Variants in CABLES1 observed in about 807,000 individuals in gnomAD.
CABLES1 encodes the protein Cdk5 and Abl enzyme substrate 1, also known as CDK5 and ABL1 enzyme substrate 1.
In CABLES1, 36 loss-of-function variants were observed where a neutral mutation model predicts 57.8. That is an observed-to-expected ratio of 0.62 (90% confidence interval 0.48 to 0.82). The LOEUF (loss-of-function observed/expected upper bound fraction) is 0.82, where lower values mean the gene tolerates loss of function less well. Among genes scored for constraint, CABLES1 ranks in the 40% least tolerant of loss-of-function variants. The probability of loss-of-function intolerance (pLI) is 0.00; values close to 1 mark genes in which losing one functional copy is unlikely to be tolerated. For synonymous variants in CABLES1, 374 were observed against 363.0 expected, an observed-to-expected ratio of 1.03 and a Z score of -0.35; for missense variants, 767 against 836.6, an observed-to-expected ratio of 0.92 and a Z score of 1.03.
intron 1 of CABLES1, among the ~76,000 whole-genome samples, chr18:23,165,179 T>G (rs1372617909): frequency 1.3e-5 from 2 of 152,160 alleles, no homozygotes; most frequent in Non-Finnish European, 2.9e-5. Context: ...CATTGCAGCT[T>G]CAAACTCCTG....
chr18:23,253,774 T>C lies in CABLES1; in HGVS notation c.1599T>C (p.Leu533=). Reference sequence around the variant, plus strand: ...AGCTTGCGCAGGAGGACTGTGGCCTTGAGGAGCCCACGGTGGCCATGGCCT... The same window carrying C: ...AGCTTGCGCAGGAGGACTGTGGCCTCGAGGAGCCCACGGTGGCCATGGCCT... ...MRKLAQEDCG[L]EEPTVAMAFV... The change falls in exon 9 of 10, where the codon CTT becomes CTC. Residue 533 remains leucine, a synonymous_variant. Transcript: ENST00000256925. 6.2e-7 allele frequency: 1 copy of C among 1,614,178 alleles called. No individual in the cohort carries two copies. Among genetic ancestry groups the C allele is most frequent in the Non-Finnish European group, 8.5e-7 (1 of 1,180,018 alleles).
intron 3 of CABLES1, among the ~76,000 whole-genome samples, chr18:23,195,765 C>T (rs769624862): frequency 6.6e-6 from 1 of 152,208 alleles, no homozygotes; most frequent in African/African-American, 2.4e-5. Context: ...CTCTCTCTCA[C>T]CCTTTTTTTC....
Position 23,259,326 on chromosome 18 carries a change from T to C in CABLES1, c.*1959T>C, listed in dbSNP as rs534325958. 1 of 120,198 alleles carries C rather than the reference T, an allele frequency of 8.3e-6. No homozygotes were observed. The highest frequency in any genetic ancestry group is 1.9e-5 in the Non-Finnish European group (1 of 53,052). 7.4% of individuals were successfully genotyped at this position (120,198 alleles called of 1,614,324 possible). ...GAATTTCCTGCCAAGCTCTGGGGAGTGGGGTGGGGGGAGGGACGTCCGATG... is the reference window on the plus strand; with the variant it reads ...GAATTTCCTGCCAAGCTCTGGGGAGCGGGGTGGGGGGAGGGACGTCCGATG... On this transcript the variant is annotated 3_prime_UTR_variant, in exon 10 of 10. Transcript: ENST00000256925.
At chr18:23,160,501 C>T (rs1189221587) in intron 1 of CABLES1, among the ~76,000 whole-genome samples, 4 of 152,090 alleles carry the variant, frequency 2.6e-5, no homozygotes, top group East Asian at 1.9e-4. Flanking sequence ...CCTCACGGCC[C>T]GCCTATTAGT....
chr18:23,251,470 T>C (rs2048035690), intron 7 of CABLES1, among the ~76,000 whole-genome samples: 1 of 151,836 alleles, frequency 6.6e-6, no homozygotes, highest in African/African-American at 2.4e-5. Context: ...AAAAAAAGAT[T>C]ATGGCGTGTA....
chr18:23,238,170 G>A (rs1341403029), intron 7 of CABLES1, among the ~76,000 whole-genome samples: 1 of 152,236 alleles, frequency 6.6e-6, no homozygotes, highest in East Asian at 1.9e-4. Context: ...GAACCAGGGG[G>A]TCTTTTTTCT....
intron 4 of CABLES1, among the ~76,000 whole-genome samples, chr18:23,219,536 A>G (rs925820220): frequency 3.3e-5 from 5 of 152,158 alleles, no homozygotes; most frequent in Non-Finnish European, 5.9e-5. Flanking sequence ...TGCCCTGTTG[A>G]GAGATTTAGT....
chr18:23,232,199 C>T (rs927504536), intron 4 of CABLES1, among the ~76,000 whole-genome samples: 1 of 152,172 alleles, frequency 6.6e-6, no homozygotes, highest in African/African-American at 2.4e-5. Flanking sequence ...CCTACTCACT[C>T]CAAAAAGATA....
chr18:23,224,568 T>C (rs1459651629), intron 4 of CABLES1, among the ~76,000 whole-genome samples: 1 of 143,016 alleles, frequency 7.0e-6, no homozygotes, highest in African/African-American at 2.6e-5. Flanking sequence ...GAGCTTTTTT[T>C]TTTTTTTTTT....
chr18:23,211,095 A>G (rs1310359863), intron 3 of CABLES1, among the ~76,000 whole-genome samples: 2 of 151,694 alleles, frequency 1.3e-5, no homozygotes, highest in African/African-American at 4.8e-5. Context: ...CGCTCACTTA[A>G]TAGAACAAGC....
In CABLES1 at chr18:23,214,036, G is replaced by A. The variant is rs773471780; in HGVS notation, c.1070G>A (p.Arg357His). 9.9e-6 allele frequency: 16 copies of A among 1,612,438 alleles called. No homozygotes were observed. The highest frequency in any genetic ancestry group is 2.2e-5 in the South Asian group (2 of 90,940). The stretch of plus-strand genomic sequence containing the variant: ...AGTATATTTTCAGTGCTGCCGTATC[G>A]CGACAGTACCCAAGTCGGGTATGTA... The part of the protein sequence containing the change: ...FCSIFSVLPY[R>H]DSTQVGDLKL... The change falls in exon 4 of 10, where the codon CGC becomes CAC. Residue 357 changes from arginine to histidine, a missense_variant. By Grantham distance (29) the Arg-to-His change is conservative. Transcript: ENST00000256925.
At chr18:23,222,435 C>T (rs1042135804) in intron 4 of CABLES1, among the ~76,000 whole-genome samples, 9 of 151,950 alleles carry the variant, frequency 5.9e-5, no homozygotes, top group Admixed American at 5.9e-4. Context: ...AGTGGTCACT[C>T]TGGTTTTATG....
rs967180392 is a variant in CABLES1 at position 23,194,349 on chromosome 18, A to G, written c.918-99A>G. The G allele has an allele frequency of 4.8e-5, 35 of 724,954 alleles. No homozygotes were observed. In the Admixed American group the frequency reaches 7.6e-4, roughly 16 times the overall value. The allele number at this position is 724,954 out of a possible 1,614,324, so 44.9% of individuals were successfully genotyped here. A position where few individuals can be genotyped will look rare whatever the true frequency, so the allele number is the denominator to read the frequency against. Reference sequence around the variant, plus strand: ...ACTCCTGCCTGCTTTGGGGTGACTCAAGCCATTTGTCTGGTCCTTCCTTCC... The same window carrying G: ...ACTCCTGCCTGCTTTGGGGTGACTCGAGCCATTTGTCTGGTCCTTCCTTCC... On this transcript the variant is annotated intron_variant, in intron 2 of 9. Transcript: ENST00000256925.
At position 23,136,537 on chromosome 18, in the gene CABLES1, AACT is replaced by A. The variant is rs780136681; in HGVS notation, c.779_781del (p.Tyr260del). 205 of 1,582,932 alleles carry A rather than the reference AACT, an allele frequency of 1.3e-4. No homozygotes were observed. Among genetic ancestry groups the A allele is most frequent in the Non-Finnish European group, 1.7e-4 (194 of 1,172,418 alleles). ...CGCCTTCTCCAGGCCGACTTCGCAG[AACT>A]ACTGCTCCCTGGAGCAGCCAGGCCA... On this transcript the variant is annotated inframe_deletion, in exon 1 of 10. Transcript: ENST00000256925.
chr18:23,184,342 TAGGTCC>T (rs2047187654), intron 1 of CABLES1, among the ~76,000 whole-genome samples: 1 of 150,442 alleles, frequency 6.6e-6, no homozygotes, highest in African/African-American at 2.5e-5. Flanking sequence ...TGTGTGTGTG[TAGGTCC>T]GTCTGAGTTC....
intron 3 of CABLES1, among the ~76,000 whole-genome samples, chr18:23,211,082 G>C (rs917952297): frequency 2.6e-5 from 4 of 151,744 alleles, no homozygotes; most frequent in Non-Finnish European, 5.9e-5. Context: ...CACCCAGAGT[G>C]AGCGCTCACT....
chr18:23,237,337 C>G (rs77591546), intron 7 of CABLES1, 92 bp downstream of exon 7: 153 of 863,418 alleles, frequency 1.8e-4, no homozygotes, highest in Middle Eastern at 1.0e-3. Context: ...AAAGACTGCT[C>G]TGCCTGGGGG....
chr18:23,207,089 A>G (rs1282724706), intron 3 of CABLES1, among the ~76,000 whole-genome samples: 1 of 152,170 alleles, frequency 6.6e-6, no homozygotes, highest in Non-Finnish European at 1.5e-5. Flanking sequence ...GGGATTACAG[A>G]TGTGAGCCAC....
intron 2 of CABLES1, among the ~76,000 whole-genome samples, chr18:23,192,212 T>G (rs1431616485): frequency 4.6e-5 from 7 of 152,158 alleles, no homozygotes; most frequent in Admixed American, 4.6e-4. Context: ...AGTTAAGCCG[T>G]CTCTACTAGT....
Sources: gnomAD v4.1 joint callset for allele counts (sites outside exome capture counted in the v4.1 genomes callset) on GRCh38, gnomAD v4.1.1 for gene constraint, MANE v1.5 for transcripts, NCBI Gene and HGNC (gene_info 2026-07-23, HGNC 2026-07-21) for gene names.